The following HM13 variants were observed in gnomAD, a reference collection of about 807,000 sequenced individuals.
The protein encoded by HM13 is signal peptide peptidase.
HM13 carries 18 observed loss-of-function variants against 50.0 expected under a neutral mutation model. The observed-to-expected ratio is 0.36, with a 90% CI of 0.25 to 0.53. The LOEUF is 0.53. Ranked by LOEUF, HM13 falls within the 20% of genes least tolerant of loss-of-function variation. The pLI is 0.90. For missense variants in HM13, 393 were observed against 552.4 expected (o/e 0.71, Z 2.89); for synonymous variants, 197 against 232.6 (o/e 0.85, Z 1.39).
chr20:31,533,682 G>C (rs929881016), intron 2 of HM13, among the ~76,000 whole-genome samples: 2 of 152,196 alleles, frequency 1.3e-5, no homozygotes, highest in African/African-American at 4.8e-5. Context: ...ACATCAGTGA[G>C]ATCCCCTTTT....
At chr20:31,537,937 T>C (rs1211988016) in intron 2 of HM13, among the ~76,000 whole-genome samples, 3 of 152,160 alleles carry the variant, frequency 2.0e-5, no homozygotes, top group Admixed American at 6.5e-5. Context: ...CTCCAGATAA[T>C]GGAGCCACTA....
At chr20:31,535,854 A>C (rs1327220707) in intron 2 of HM13, among the ~76,000 whole-genome samples, 1 of 152,210 alleles carries the variant, frequency 6.6e-6, no homozygotes. Flanking sequence ...TTACAGCTGT[A>C]CAAAGTGCTG....
rs573486485 is a variant in HM13, at chr20:31,567,998, T to A, written c.1035-80T>A. On this transcript the variant is annotated intron_variant, in intron 11 of 12. Transcript: ENST00000398174. ...ACAAGACAGTTCTGCTCTCTGCTCC[T>A]TGGAAAGGAAGTCTCTGTCCTCCCT... is the stretch of plus-strand genomic sequence containing the variant. 5 of 1,279,004 alleles carry A rather than the reference T, an allele frequency of 3.9e-6. No individual in the cohort carries two copies. In the African/African-American group the frequency reaches 7.5e-5, roughly 19 times the overall value. 79.2% of individuals were successfully genotyped at this position (1,279,004 alleles called of 1,614,324 possible).
At chr20:31,538,072 G>T (rs557888320) in intron 2 of HM13, 107 bp from the exon 3 acceptor site, 4 of 1,295,188 alleles carry the variant, frequency 3.1e-6, no homozygotes, top group Non-Finnish European at 4.3e-6. Context: ...ACTGTCCCCC[G>T]ACTCAAGAAG....
At chr20:31,566,839 C>T (rs546355772) in intron 11 of HM13, among the ~76,000 whole-genome samples, 1 of 152,050 alleles carries the variant, frequency 6.6e-6, no homozygotes, top group East Asian at 1.9e-4. Flanking sequence ...ATATCCACAC[C>T]TACCACACCC....
At chr20:31,519,862 T>G (rs1000765912) in intron 1 of HM13, among the ~76,000 whole-genome samples, 7 of 136,320 alleles carry the variant, frequency 5.1e-5, no homozygotes, top group African/African-American at 2.2e-4. Context: ...TTTTTTTTTT[T>G]GAGACAGTCT....
intron 1 of HM13, among the ~76,000 whole-genome samples, chr20:31,518,348 C>A (rs953775075): frequency 1.4e-5 from 2 of 140,252 alleles, no homozygotes; most frequent in African/African-American, 5.2e-5. Context: ...TTTTTTTTTT[C>A]TTTAACAATA....
chr20:31,519,497 G>A (rs926965310), intron 1 of HM13, among the ~76,000 whole-genome samples: 1 of 152,180 alleles, frequency 6.6e-6, no homozygotes, highest in Non-Finnish European at 1.5e-5. Flanking sequence ...TTTAACAGCT[G>A]TATGGTATCC....
At chr20:31,558,263 G>A (rs1379294066) in intron 8 of HM13, among the ~76,000 whole-genome samples, 1 of 152,112 alleles carries the variant, frequency 6.6e-6, no homozygotes, top group African/African-American at 2.4e-5. Context: ...CTGTGCTCCT[G>A]TGGAGCCTTC....
At chr20:31,535,077 C>T (rs534066885) in intron 2 of HM13, among the ~76,000 whole-genome samples, 5 of 150,796 alleles carry the variant, frequency 3.3e-5, no homozygotes, top group Admixed American at 2.0e-4. Context: ...CAGAGCAAGA[C>T]TCCGTCTCAA....
At chr20:31,554,952 GC>G in intron 8 of HM13, 123 bp downstream of exon 8, 1 of 847,730 alleles carries the variant, frequency 1.2e-6, no homozygotes, top group Non-Finnish European at 1.9e-6. Flanking sequence ...GCTGGATCAG[GC>G]CAGGGATTGG....
intron 9 of HM13, 106 bp from the exon 10 acceptor site, chr20:31,561,528 A>ACC: frequency 3.9e-6 from 3 of 762,584 alleles, no homozygotes; most frequent in African/African-American, 3.4e-5. Flanking sequence ...GAGCTCAGTC[A>ACC]CCCCCCCACA....
intron 2 of HM13, among the ~76,000 whole-genome samples, chr20:31,534,964 T>C (rs921458674): frequency 6.6e-6 from 1 of 151,608 alleles, no homozygotes; most frequent in Non-Finnish European, 1.5e-5. Context: ...CAGGCGCCTG[T>C]AGTCCCAGCT....
At chr20:31,521,935 C>T (rs561482300) in intron 1 of HM13, among the ~76,000 whole-genome samples, 2 of 147,360 alleles carry the variant, frequency 1.4e-5, no homozygotes, top group Admixed American at 6.8e-5. Flanking sequence ...CTCAACCGAT[C>T]TGCCCACCTT....
intron 12 of HM13, among the ~76,000 whole-genome samples, chr20:31,568,515 T>C (rs1444172275): frequency 1.3e-5 from 2 of 152,200 alleles, no homozygotes; most frequent in Non-Finnish European, 2.9e-5. Flanking sequence ...GGTATATGTA[T>C]AACCTTAGGC....
In HM13 at chr20:31,514,704, C is replaced by T; in HGVS notation, c.153C>T (p.Ala51=). ...CGCTGCTGCCCATCTTCTTCGGCGC[C>T]CTGCGCTCCGTACGCTGCGCCCGCG... ...LMALLPIFFG[A]LRSVRCARGK... is the part of the protein sequence containing the mutation. Residue 51 remains alanine, a synonymous_variant, in exon 1 of 13, where the codon GCC becomes GCT. Transcript: ENST00000398174. The surrounding 1 kb of genome is among the most constrained non-coding windows in gnomAD (Gnocchi z 4.3). The T allele has an allele frequency of 6.5e-7, 1 of 1,547,760 alleles. No homozygotes were observed. The highest frequency in any genetic ancestry group is 8.7e-7 in the Non-Finnish European group (1 of 1,146,686).
chr20:31,522,026 G>C (rs6058022), intron 1 of HM13, among the ~76,000 whole-genome samples: 1 of 151,482 alleles, frequency 6.6e-6, no homozygotes, highest in East Asian at 1.9e-4. Flanking sequence ...TAAGTCACCC[G>C]CAAAGGAGAC....
rs752300546 is a variant in HM13, at chr20:31,559,647, GGTGA to G, written c.845+10_845+13del. 1.2e-6 allele frequency: 2 copies of G among 1,614,096 alleles called. No individual in the cohort carries two copies. Among genetic ancestry groups the G allele is most frequent in the Non-Finnish European group, 1.7e-6 (2 of 1,179,990 alleles). Reference sequence around the variant, plus strand: ...GCCTTGCTGCTGCGCTTTGACATCAGGTGAGTGAGTGAGGGCCTGCCCCAGCATG... The same window carrying G: ...GCCTTGCTGCTGCGCTTTGACATCAGGTGAGTGAGGGCCTGCCCCAGCATG... On this transcript the variant is annotated splice_donor_variant and splice_donor_region_variant and intron_variant, in intron 9 of 12. Coordinates refer to ENST00000398174, the MANE Select transcript of HM13 (RefSeq NM_178581.3). LOFTEE classifies it high-confidence loss of function.
chr20:31,551,250 C>CA (rs1430883031), intron 7 of HM13, among the ~76,000 whole-genome samples: 13 of 152,228 alleles, frequency 8.5e-5, no homozygotes, highest in African/African-American at 3.1e-4. Flanking sequence ...GTAGAAGGCT[C>CA]AGAGTGAGTT....
Sources: gnomAD v4.1 joint callset for allele counts (sites outside exome capture counted in the v4.1 genomes callset) on GRCh38, gnomAD v4.1.1 for gene constraint, Gnocchi (gnomAD v3.1) non-coding constraint, MANE v1.5 for transcripts, NCBI Gene and HGNC (gene_info 2026-07-23, HGNC 2026-07-21) for gene names.